RAMP1: variants seen among roughly 807,000 people sequenced by gnomAD.
RAMP1 encodes receptor activity-modifying protein 1.
Under a neutral mutation model 8.2 loss-of-function variants are expected in RAMP1, and 7 were observed. That is an observed-to-expected ratio of 0.85 (90% CI 0.49 to 1.60). The LOEUF (loss-of-function observed/expected upper bound fraction) is 1.60. RAMP1 is among the 40% of genes most tolerant of loss of function. The pLI is 0.00. For missense variants in RAMP1, 192 were observed against 202.4 expected (o/e 0.95, Z 0.31); for synonymous variants, 92 against 84.7 (o/e 1.09, Z -0.47).
intron 1 of RAMP1, 78 bp downstream of exon 1, chr2:237,859,805 G>A: frequency 1.9e-6 from 2 of 1,072,936 alleles, no homozygotes; most frequent in South Asian, 4.9e-5. Flanking sequence ...GAGGGGAGCG[G>A]GTGGGAGCGG....
At chr2:237,894,263 A>T (rs956823908) in intron 2 of RAMP1, among the ~76,000 whole-genome samples, 9 of 152,090 alleles carry the variant, frequency 5.9e-5, no homozygotes, top group Non-Finnish European at 1.3e-4. Context: ...GAGCCACTTC[A>T]CCCGGCCTAA....
At chr2:237,872,720 T>G (rs764794371) in intron 1 of RAMP1, among the ~76,000 whole-genome samples, 7 of 152,240 alleles carry the variant, frequency 4.6e-5, no homozygotes, top group Non-Finnish European at 1.0e-4. Context: ...GATGGTTATT[T>G]GCAAGGATTA....
chr2:237,868,577 CAA>C (rs1252542718), intron 1 of RAMP1, among the ~76,000 whole-genome samples: 1 of 89,428 alleles, frequency 1.1e-5, no homozygotes, highest in African/African-American at 4.9e-5. Flanking sequence ...CTCCCCCCAC[CAA>C]AAAAAAAAAA....
chr2:237,902,317 AGGAGGGAGGGATCAGGGGGT>A (rs2062608260), intron 2 of RAMP1, among the ~76,000 whole-genome samples: 1 of 46,134 alleles, frequency 2.2e-5, no homozygotes, highest in Non-Finnish European at 4.2e-5. Context: ...GGCTGGGAGG[AGGAGGGAGGGATCAGGGGGT>A]GGAGGAGGGG....
intron 1 of RAMP1, among the ~76,000 whole-genome samples, chr2:237,861,277 AG>A (rs2062130738): frequency 6.6e-6 from 1 of 152,162 alleles, no homozygotes; most frequent in East Asian, 1.9e-4. Context: ...CGTTATTTTG[AG>A]TGGCCTGGCT....
chr2:237,882,816 A>C (rs1389314299), intron 2 of RAMP1, among the ~76,000 whole-genome samples: 1 of 127,944 alleles, frequency 7.8e-6, no homozygotes, highest in East Asian at 2.4e-4. Context: ...GGCTGCCTGC[A>C]GGCAGGCCAT....
In RAMP1 at chr2:237,883,749, A is replaced by G. The variant is rs551858233; in HGVS notation, c.191+6387A>G. ...GAGGATCACTCAAGCCTGAGAGGTCAAGGCTGCAGTGAGCCATGATGGTAC... is the reference window on the plus strand; with the variant it reads ...GAGGATCACTCAAGCCTGAGAGGTCGAGGCTGCAGTGAGCCATGATGGTAC... On this transcript the variant is annotated intron_variant, in intron 2 of 2. Transcript: ENST00000254661. Among the ~76,000 whole-genome samples the G allele has an allele frequency of 6.5e-4, 98 of 150,980 alleles. 3 individuals are homozygous for G. The South Asian group carries it at 0.02, about 31-fold the overall frequency.
chr2:237,904,046 C>T (rs2062631474), intron 2 of RAMP1, among the ~76,000 whole-genome samples: 1 of 152,238 alleles, frequency 6.6e-6, no homozygotes, highest in Non-Finnish European at 1.5e-5. Context: ...GCCTAGCATT[C>T]TCCTTTTTAA....
chr2:237,901,765 C>T (rs2062599440), intron 2 of RAMP1, among the ~76,000 whole-genome samples: 1 of 152,182 alleles, frequency 6.6e-6, no homozygotes, highest in Non-Finnish European at 1.5e-5. Context: ...CTAAGCCCAG[C>T]ATGCAGAGTG....
rs2062720758 is a variant in RAMP1, at chr2:237,911,934, C to A, written c.*151C>A. 2.3e-6 allele frequency: 3 copies of A among 1,291,536 alleles called. No homozygotes were observed. Among genetic ancestry groups the A allele is most frequent in the East Asian group, 5.1e-5 (2 of 39,230 alleles). The allele number at this position is 1,291,536 out of a possible 1,614,324, so 80.0% of individuals were successfully genotyped here. A position where few individuals can be genotyped will look rare whatever the true frequency, so the allele number is the denominator to read the frequency against. On this transcript the variant is annotated 3_prime_UTR_variant, in exon 3 of 3. Coordinates refer to ENST00000254661, the MANE Select transcript of RAMP1 (RefSeq NM_005855.4). Reference sequence around the variant, plus strand: ...AAGAGCTCACAGGAGTCCAGAGTAGCCGAGGCTCTGGTATTAACCTGGAAG... The same window carrying A: ...AAGAGCTCACAGGAGTCCAGAGTAGACGAGGCTCTGGTATTAACCTGGAAG...
At position 237,868,701 on chromosome 2, in the gene RAMP1, TGCTTGGCA is replaced by T. The variant is rs533830818; in HGVS notation, c.53-8515_53-8508del. 9.6e-4 allele frequency among the ~76,000 whole-genome samples: 147 copies of T among 152,336 alleles called. 5 individuals are homozygous for T. In the East Asian group the frequency reaches 0.021, roughly 22 times the overall value. ...TGGGAATGAAACGTCATCGGTTCTCTGCTTGGCAGCTTGGCTGGATCCCCTGAGTTTGC... is the reference window on the plus strand; with the variant it reads ...TGGGAATGAAACGTCATCGGTTCTCTGCTTGGCTGGATCCCCTGAGTTTGC... On this transcript the variant is annotated intron_variant, in intron 1 of 2. Transcript: ENST00000254661.
At chr2:237,892,281 T>TTC (rs1441161005) in intron 2 of RAMP1, among the ~76,000 whole-genome samples, 1 of 146,514 alleles carries the variant, frequency 6.8e-6, no homozygotes, top group South Asian at 2.2e-4. Flanking sequence ...TCTTTCTTTT[T>TTC]TTTTTTTTTT....
At chr2:237,867,007 G>A (rs1459852609) in intron 1 of RAMP1, among the ~76,000 whole-genome samples, 1 of 152,194 alleles carries the variant, frequency 6.6e-6, no homozygotes, top group African/African-American at 2.4e-5. Context: ...GGGATTACAG[G>A]CGTGAGCCAC....
At chr2:237,859,949 C>T (rs1391395515) in intron 1 of RAMP1, 3 of 446,666 alleles carry the variant, frequency 6.7e-6, no homozygotes, top group Non-Finnish European at 1.2e-5. Flanking sequence ...CGCTTCTCGC[C>T]GGGGAAGGGA....
intron 1 of RAMP1, among the ~76,000 whole-genome samples, chr2:237,860,237 A>G (rs1045385820): frequency 7.2e-5 from 11 of 152,266 alleles, no homozygotes; most frequent in African/African-American, 2.4e-4. Flanking sequence ...AACACTGACA[A>G]TCTGTCGCCT....
At position 237,876,343 on chromosome 2, in the gene RAMP1, G is replaced by A. The variant is rs1456394456; in HGVS notation, c.53-881G>A. On this transcript the variant is annotated intron_variant, in intron 1 of 2. Transcript: ENST00000254661. ...GGGGGCCAGGCGGTGGGCTGCAGGG[G>A]CTGGGTGCCCCCAGCGTCTCCCAGG... 2.6e-5 allele frequency among the ~76,000 whole-genome samples: 4 copies of A among 152,308 alleles called. No homozygotes were observed. The South Asian group carries it at 6.2e-4, about 24-fold the overall frequency.
intron 2 of RAMP1, among the ~76,000 whole-genome samples, chr2:237,887,349 G>T (rs1403841732): frequency 6.6e-6 from 1 of 152,228 alleles, no homozygotes; most frequent in African/African-American, 2.4e-5. Flanking sequence ...CCTCCAGGGA[G>T]CAGTGGCACC....
At position 237,911,719 on chromosome 2, in the gene RAMP1, C is replaced by T. The variant is rs147692476; in HGVS notation, c.383C>T (p.Thr128Met). 39 of 1,613,778 alleles carry T rather than the reference C, an allele frequency of 2.4e-5. 1 individual carries two copies. The highest frequency in any genetic ancestry group is 4.0e-5 in the African/African-American group (3 of 75,060). ...TACCCCTTCATCGTGGTCCCCATCA[C>T]GGTGACCCTGCTGGTGACGGCACTG... ...ILYPFIVVPITVTLLVTALVV... is the reference protein window; with the variant it reads ...ILYPFIVVPIMVTLLVTALVV... Residue 128 changes from threonine to methionine, a missense_variant, in exon 3 of 3, where the codon ACG (threonine) becomes ATG (methionine). Transcript: ENST00000254661.
rs1012931238 is a variant in RAMP1, at chr2:237,859,881, C to T, written c.52+154C>T. ...CGCTGCCCTTGAACGCGGGCCGCCC[C>T]GGTTCCAGGCGGGAGGCCCCAGGGC... On this transcript the variant is annotated intron_variant, in intron 1 of 2. Coordinates refer to ENST00000254661, the MANE Select transcript of RAMP1 (RefSeq NM_005855.4). 1.0e-4 allele frequency: 72 copies of T among 703,302 alleles called. No individual in the cohort carries two copies. The East Asian group carries it at 2.5e-3, about 25-fold the overall frequency. The allele number at this position is 703,302 out of a possible 1,614,324, so 43.6% of individuals were successfully genotyped here. A position where few individuals can be genotyped will look rare whatever the true frequency, so the allele number is the denominator to read the frequency against.
Sources: allele counts gnomAD v4.1 joint callset (sites outside exome capture counted in the v4.1 genomes callset), GRCh38; gene constraint gnomAD v4.1.1; transcripts MANE v1.5; gene names NCBI Gene and HGNC (gene_info 2026-07-23, HGNC 2026-07-21).